The following DNAH9 variants were observed in gnomAD, a reference collection of about 807,000 sequenced individuals.
The protein encoded by DNAH9 is dynein axonemal heavy chain 9.
In DNAH9, 345 loss-of-function variants were observed where a neutral mutation model predicts 471.6. The observed-to-expected ratio is 0.73, with a 90% confidence interval of 0.67 to 0.80. DNAH9 has a LOEUF of 0.80. Among genes scored for constraint, DNAH9 ranks in the 30% least tolerant of loss-of-function variants. DNAH9 has a pLI of 0.00. For synonymous variants in DNAH9, 2,093 were observed against 2,123.6 expected, an observed-to-expected ratio of 0.99 and a Z score of 0.40; for missense variants, 5,407 against 5,609.2, an observed-to-expected ratio of 0.96 and a Z score of 1.15.
Position 11,937,948 on chromosome 17 carries a change from G to A in DNAH9, c.12660+426G>A, listed in dbSNP as rs928550339. On this transcript the variant is annotated intron_variant, in intron 66 of 68. Coordinates refer to ENST00000262442, the MANE Select transcript of DNAH9 (RefSeq NM_001372.4). This position sits in a 1 kb window ranked among gnomAD's most constrained non-coding sequence, Gnocchi z 4.1. ...CAGTTCACCAACCAGATGCCAGTGG[G>A]GAAGAACACAGTCCTTCATAATGCA... Among the ~76,000 whole-genome samples, 2 of 152,192 alleles carry A rather than the reference G, an allele frequency of 1.3e-5. No homozygotes were observed. Among genetic ancestry groups the A allele is most frequent in the Non-Finnish European group, 2.9e-5 (2 of 68,034 alleles).
intron 67 of DNAH9, among the ~76,000 whole-genome samples, chr17:11,954,222 A>G (rs1975526864): frequency 6.6e-6 from 1 of 151,576 alleles, no homozygotes; most frequent in African/African-American, 2.4e-5. Flanking sequence ...TCCCAAAAGG[A>G]TGGGGTTGTT....
chr17:11,872,194 T>C (rs1022334770), intron 52 of DNAH9, among the ~76,000 whole-genome samples: 1 of 152,196 alleles, frequency 6.6e-6, no homozygotes, highest in East Asian at 1.9e-4. Flanking sequence ...ACCTTGTTAC[T>C]GGGCCCTAAA....
At chr17:11,672,140 A>G (rs938209503) in intron 17 of DNAH9, among the ~76,000 whole-genome samples, 1 of 152,162 alleles carries the variant, frequency 6.6e-6, no homozygotes, top group Admixed American at 6.5e-5. Context: ...ATCCCACCTT[A>G]TGTTGCATTT....
chr17:11,763,292 G>A, intron 35 of DNAH9, 148 bp from the exon 36 acceptor site: 1 of 688,192 alleles, frequency 1.5e-6, no homozygotes, highest in Non-Finnish European at 2.5e-6. Context: ...GAGAATAAAG[G>A]CTTAAGTGGC....
intron 45 of DNAH9, among the ~76,000 whole-genome samples, chr17:11,813,788 C>T (rs757600475): frequency 2.6e-5 from 4 of 152,152 alleles, no homozygotes; most frequent in Admixed American, 2.6e-4. Flanking sequence ...ACTTCTGACA[C>T]GAACTACAGC....
At chr17:11,635,345 T>A (rs1404471478) in intron 8 of DNAH9, among the ~76,000 whole-genome samples, 2 of 123,692 alleles carry the variant, frequency 1.6e-5, no homozygotes, top group Non-Finnish European at 3.6e-5. Flanking sequence ...TTTTTTTTTT[T>A]TTTTTTTTTT....
At chr17:11,828,133 C>A (rs1194368142) in intron 48 of DNAH9, among the ~76,000 whole-genome samples, 1 of 152,092 alleles carries the variant, frequency 6.6e-6, no homozygotes, top group Non-Finnish European at 1.5e-5. Context: ...TACTCTTGCC[C>A]CTCTGTAGTC....
intron 66 of DNAH9, among the ~76,000 whole-genome samples, chr17:11,938,750 C>CA (rs1974796691): frequency 6.6e-6 from 1 of 151,940 alleles, no homozygotes; most frequent in Non-Finnish European, 1.5e-5. Flanking sequence ...AGGTGTGTAC[C>CA]ACCACGCCCT....
At chr17:11,753,811 G>GT (rs1402052562) in intron 33 of DNAH9, among the ~76,000 whole-genome samples, 2 of 152,148 alleles carry the variant, frequency 1.3e-5, no homozygotes, top group African/African-American at 4.8e-5. Flanking sequence ...GTACTTGATT[G>GT]TTTTTTCCAC....
chr17:11,790,136 A>C (rs1475881201), intron 41 of DNAH9, among the ~76,000 whole-genome samples: 2 of 151,640 alleles, frequency 1.3e-5, no homozygotes, highest in South Asian at 4.2e-4. Flanking sequence ...TTTTTAATGC[A>C]TTCTGCAGAT....
chr17:11,798,010 C>T (rs1377220164), intron 43 of DNAH9, among the ~76,000 whole-genome samples: 1 of 152,122 alleles, frequency 6.6e-6, no homozygotes, highest in East Asian at 1.9e-4. Context: ...GGGTTCATTT[C>T]CAGGTCCGCC....
chr17:11,949,481 CTTT>C (rs71367360), intron 67 of DNAH9, among the ~76,000 whole-genome samples: 1 of 146,734 alleles, frequency 6.8e-6, no homozygotes, highest in Non-Finnish European at 1.5e-5. Context: ...TAGCTTGAGA[CTTT>C]TTTTTTTTTT....
chr17:11,922,363 G>A (rs1209838423), intron 61 of DNAH9, among the ~76,000 whole-genome samples: 7 of 151,574 alleles, frequency 4.6e-5, no homozygotes, highest in Non-Finnish European at 1.0e-4. Context: ...ACTTCACCTT[G>A]CTAGAAAAAT....
intron 13 of DNAH9, among the ~76,000 whole-genome samples, chr17:11,652,532 A>C (rs62060816): frequency 1.3e-5 from 2 of 151,448 alleles, no homozygotes; most frequent in Non-Finnish European, 2.9e-5. Flanking sequence ...TGATCCGCCC[A>C]CCTCGGCCTC....
chr17:11,837,609 C>T (rs1970890413), intron 49 of DNAH9, among the ~76,000 whole-genome samples: 1 of 152,186 alleles, frequency 6.6e-6, no homozygotes, highest in Non-Finnish European at 1.5e-5. Context: ...ACCCATAATC[C>T]AACACTGTCT....
At chr17:11,894,302 T>C (rs1379409619) in intron 58 of DNAH9, 72 bp from the exon 59 acceptor site, 16 of 1,582,802 alleles carry the variant, frequency 1.0e-5, no homozygotes, top group Non-Finnish European at 1.4e-5. Context: ...TTATACTGAG[T>C]GACAACCCCT....
At chr17:11,774,841 T>G (rs1597627301) in intron 38 of DNAH9, among the ~76,000 whole-genome samples, 1 of 152,300 alleles carries the variant, frequency 6.6e-6, no homozygotes, top group Non-Finnish European at 1.5e-5. Context: ...TTTACATTTT[T>G]TCTTTTCTAA....
At chr17:11,611,981 C>A in intron 4 of DNAH9, 1 of 618,674 alleles carries the variant, frequency 1.6e-6, no homozygotes, top group Non-Finnish European at 2.9e-6. Flanking sequence ...AGTTCCACTG[C>A]TGTATGGCCT....
At chr17:11,687,017 C>T (rs531751596) in intron 19 of DNAH9, among the ~76,000 whole-genome samples, 7 of 152,322 alleles carry the variant, frequency 4.6e-5, no homozygotes, top group Non-Finnish European at 8.8e-5. Flanking sequence ...AAGAACTCCT[C>T]ACCCTTGGTG....
Sources: allele counts gnomAD v4.1 joint callset (sites outside exome capture counted in the v4.1 genomes callset), GRCh38; gene constraint gnomAD v4.1.1; non-coding constraint Gnocchi (gnomAD v3.1); transcripts MANE v1.5; gene names NCBI Gene and HGNC (gene_info 2026-07-23, HGNC 2026-07-21).